The following LRRIQ3 variants were observed in gnomAD, a reference collection of about 807,000 sequenced individuals.
The protein encoded by LRRIQ3 is leucine-rich repeat and IQ domain-containing protein 3.
In LRRIQ3, 75 loss-of-function variants were observed where a neutral mutation model predicts 59.3. The ratio of observed to expected loss-of-function variants is 1.26; its 90% CI spans 1.05 to 1.53. The LOEUF (loss-of-function observed/expected upper bound fraction) is 1.53, where lower values mean the gene tolerates loss of function less well. Ranked by LOEUF, LRRIQ3 falls within the 40% of genes most tolerant of loss-of-function variation. LRRIQ3 has a pLI of 0.00. For missense variants in LRRIQ3, 831 were observed against 710.0 expected, an observed-to-expected ratio of 1.17 and a Z score of -1.94; for synonymous variants, 250 against 231.3, an observed-to-expected ratio of 1.08 and a Z score of -0.73.
chr1:74,052,777 G>T (rs1345256334), intron 6 of LRRIQ3, among the ~76,000 whole-genome samples: 1 of 151,856 alleles, frequency 6.6e-6, no homozygotes. Context: ...TCAATCTGCA[G>T]TTCCTTTTTT....
At chr1:74,147,644 A>G (rs1647663286) in intron 4 of LRRIQ3, among the ~76,000 whole-genome samples, 1 of 152,184 alleles carries the variant, frequency 6.6e-6, no homozygotes. Flanking sequence ...TTTTGGATAC[A>G]GTTTTAACTG....
intron 6 of LRRIQ3, among the ~76,000 whole-genome samples, chr1:74,067,370 C>G (rs1034278525): frequency 2.6e-5 from 4 of 152,130 alleles, no homozygotes; most frequent in African/African-American, 4.8e-5. Flanking sequence ...ATCCCTGATT[C>G]TGCTTTCCGT....
chr1:74,048,771 A>C (rs527975234), intron 6 of LRRIQ3, among the ~76,000 whole-genome samples: 1 of 152,172 alleles, frequency 6.6e-6, no homozygotes, highest in Non-Finnish European at 1.5e-5. Flanking sequence ...TAAATATAGA[A>C]GTCCAATAAT....
chr1:74,177,798 G>C (rs973738329), intron 3 of LRRIQ3, among the ~76,000 whole-genome samples: 1 of 151,834 alleles, frequency 6.6e-6, no homozygotes, highest in Admixed American at 6.6e-5. Context: ...ATATTTAATT[G>C]TACTTAGCTA....
At chr1:74,048,807 A>T (rs564897596) in intron 6 of LRRIQ3, among the ~76,000 whole-genome samples, 1 of 152,306 alleles carries the variant, frequency 6.6e-6, no homozygotes, top group East Asian at 1.9e-4. Flanking sequence ...CAGTGTATAC[A>T]TAAAATTGAA....
At chr1:74,061,845 C>T (rs967098093) in intron 6 of LRRIQ3, among the ~76,000 whole-genome samples, 5 of 151,990 alleles carry the variant, frequency 3.3e-5, no homozygotes, top group Non-Finnish European at 7.4e-5. Context: ...GACTAGGCTG[C>T]ATAACTTAGT....
At chr1:74,143,971 T>C (rs938448712) in intron 4 of LRRIQ3, among the ~76,000 whole-genome samples, 1 of 151,928 alleles carries the variant, frequency 6.6e-6, no homozygotes, top group South Asian at 2.1e-4. Flanking sequence ...TTTTGAGTAT[T>C]ATAATAATTT....
intron 4 of LRRIQ3, among the ~76,000 whole-genome samples, chr1:74,121,745 C>G (rs1386021855): frequency 8.5e-6 from 1 of 117,604 alleles, no homozygotes; most frequent in Non-Finnish European, 1.7e-5. Context: ...CCCCCCACCC[C>G]ACAACAGGCC....
At chr1:74,056,140 GT>G (rs1461143436) in intron 6 of LRRIQ3, among the ~76,000 whole-genome samples, 2 of 137,360 alleles carry the variant, frequency 1.5e-5, no homozygotes, top group Admixed American at 8.0e-5. Context: ...GTGAGAATCT[GT>G]CTCAAAAATA....
chr1:74,162,442 T>A (rs1196868704), intron 3 of LRRIQ3, among the ~76,000 whole-genome samples: 5 of 151,774 alleles, frequency 3.3e-5, no homozygotes, highest in Admixed American at 3.3e-4. Context: ...GGTAGAATAA[T>A]AGAAATTCTA....
chr1:74,075,365 G>A (rs1646193210), intron 5 of LRRIQ3, among the ~76,000 whole-genome samples: 1 of 151,980 alleles, frequency 6.6e-6, no homozygotes, highest in South Asian at 2.1e-4. Context: ...TTAGGAGTTC[G>A]AGCCCAGCCT....
chr1:74,164,388 G>T (rs533562043), intron 3 of LRRIQ3, among the ~76,000 whole-genome samples: 30 of 151,574 alleles, frequency 2.0e-4, no homozygotes, highest in African/African-American at 6.8e-4. Context: ...TTTCACAGAG[G>T]AAACACCATG....
At chr1:74,063,152 A>T (rs1654775886) in intron 6 of LRRIQ3, among the ~76,000 whole-genome samples, 1 of 151,634 alleles carries the variant, frequency 6.6e-6, no homozygotes, top group Non-Finnish European at 1.5e-5. Flanking sequence ...CAACAACAAC[A>T]AAACGAGGAA....
At chr1:74,176,847 GA>G (rs1448887925) in intron 3 of LRRIQ3, among the ~76,000 whole-genome samples, 2 of 152,108 alleles carry the variant, frequency 1.3e-5, no homozygotes, top group East Asian at 1.9e-4. Flanking sequence ...CTGGCCAACA[GA>G]AATGAAATCC....
chr1:74,167,723 T>C (rs1056705619), intron 3 of LRRIQ3, among the ~76,000 whole-genome samples: 8 of 151,720 alleles, frequency 5.3e-5, no homozygotes, highest in Admixed American at 2.0e-4. Context: ...AACTTATTCA[T>C]GTAACCAAAC....
chr1:74,183,111 T>G, intron 2 of LRRIQ3: 1 of 325,856 alleles, frequency 3.1e-6, no homozygotes, highest in Non-Finnish European at 5.5e-6. Context: ...CAAAGAAAAT[T>G]TCTTTGTAAT....
At chr1:74,029,381 T>C (rs932230941) in intron 7 of LRRIQ3, among the ~76,000 whole-genome samples, 2 of 152,084 alleles carry the variant, frequency 1.3e-5, no homozygotes, top group Non-Finnish European at 2.9e-5. Flanking sequence ...TATTTTGAGG[T>C]AATTTATTGA....
chr1:74,113,955 TTCTC>T (rs760518337), intron 4 of LRRIQ3, among the ~76,000 whole-genome samples: 31 of 151,496 alleles, frequency 2.0e-4, no homozygotes, highest in Non-Finnish European at 4.3e-4. Context: ...CCCTCTCTCT[TTCTC>T]TATCTCTCTC....
At chr1:74,093,216 TC>T (rs1389332441) in intron 5 of LRRIQ3, among the ~76,000 whole-genome samples, 3 of 151,942 alleles carry the variant, frequency 2.0e-5, no homozygotes, top group African/African-American at 7.2e-5. Flanking sequence ...ACTATGAAAC[TC>T]CAACACTCAG....
Sources: gnomAD v4.1 joint callset for allele counts (sites outside exome capture counted in the v4.1 genomes callset) on GRCh38, gnomAD v4.1.1 for gene constraint, MANE v1.5 for transcripts, NCBI Gene and HGNC (gene_info 2026-07-23, HGNC 2026-07-21) for gene names.